HNF4G: variants seen among roughly 807,000 people sequenced by gnomAD.
HNF4G encodes the protein hepatocyte nuclear factor 4 gamma.
A neutral mutation model predicts 50.9 loss-of-function variants in HNF4G; 21 were observed. The ratio of observed to expected loss-of-function variants is 0.41; its 90% CI spans 0.29 to 0.59. The LOEUF is 0.59. HNF4G is among the 20% of genes least tolerant of loss of function. The pLI is 0.26. For missense variants in HNF4G, 527 were observed against 559.4 expected, an observed-to-expected ratio of 0.94 and a Z score of 0.58; for synonymous variants, 198 against 185.6, an observed-to-expected ratio of 1.07 and a Z score of -0.54.
chr8:75,493,830 G>T (rs1812690431), intron 2 of HNF4G, among the ~76,000 whole-genome samples: 1 of 151,910 alleles, frequency 6.6e-6, no homozygotes, highest in Non-Finnish European at 1.5e-5. Flanking sequence ...TGTTTTAATT[G>T]TTATTCTTTT....
chr8:75,499,711 T>C (rs1025920420), intron 2 of HNF4G, among the ~76,000 whole-genome samples: 10 of 151,934 alleles, frequency 6.6e-5, no homozygotes, highest in Admixed American at 6.6e-4. Context: ...AAATAGAATT[T>C]AGAGTCCAGT....
intron 1 of HNF4G, among the ~76,000 whole-genome samples, chr8:75,454,025 TTCTC>T (rs58676228): frequency 0.14 from 18,540 of 133,702 alleles, 1,625 homozygotes; most frequent in African/African-American, 0.26. Context: ...AAGAAGAAAT[TTCTC>T]TCTCTCTCTC....
At chr8:75,436,173 AT>A (rs2130533200) in intron 1 of HNF4G, among the ~76,000 whole-genome samples, 2 of 152,344 alleles carry the variant, frequency 1.3e-5, no homozygotes. Flanking sequence ...AAATTAAAAA[AT>A]ATATTGTAAA....
At chr8:75,416,012 C>T (rs1229014530) in intron 1 of HNF4G, among the ~76,000 whole-genome samples, 2 of 152,118 alleles carry the variant, frequency 1.3e-5, no homozygotes, top group African/African-American at 2.4e-5. Context: ...TTCAAAATCT[C>T]AGAAGATATT....
intron 2 of HNF4G, among the ~76,000 whole-genome samples, chr8:75,520,876 A>G (rs1249556446): frequency 6.6e-6 from 1 of 152,088 alleles, no homozygotes; most frequent in Admixed American, 6.6e-5. Context: ...AAGGTAGCTT[A>G]CTTTCACAAG....
intron 2 of HNF4G, among the ~76,000 whole-genome samples, chr8:75,495,762 T>G (rs2943601): frequency 0.28 from 41,912 of 151,744 alleles, 7,124 homozygotes; most frequent in African/African-American, 0.48. Context: ...GGTCTCGAAC[T>G]CCTGGCCTCA....
At chr8:75,459,567 T>C (rs1303688517) in intron 1 of HNF4G, among the ~76,000 whole-genome samples, 2 of 152,212 alleles carry the variant, frequency 1.3e-5, no homozygotes, top group African/African-American at 4.8e-5. Context: ...GCTTGTGTAG[T>C]AGTGTTTATA....
intron 1 of HNF4G, among the ~76,000 whole-genome samples, chr8:75,542,608 G>A (rs1277115522): frequency 6.6e-6 from 1 of 151,896 alleles, no homozygotes; most frequent in African/African-American, 2.4e-5. Context: ...CCAGATACTG[G>A]GATCAGAGAT....
At chr8:75,443,188 C>A (rs1811328910) in intron 1 of HNF4G, among the ~76,000 whole-genome samples, 1 of 152,126 alleles carries the variant, frequency 6.6e-6, no homozygotes, top group Admixed American at 6.5e-5. Flanking sequence ...TCACCAGACA[C>A]CAAATCTGCT....
intron 2 of HNF4G, among the ~76,000 whole-genome samples, chr8:75,512,223 T>C (rs892534872): frequency 4.0e-5 from 6 of 151,784 alleles, no homozygotes; most frequent in Non-Finnish European, 8.8e-5. Flanking sequence ...TGGTAAAATA[T>C]TTAAGAAAAG....
At chr8:75,451,700 A>G (rs1811588374) in intron 1 of HNF4G, among the ~76,000 whole-genome samples, 1 of 152,190 alleles carries the variant, frequency 6.6e-6, no homozygotes, top group African/African-American at 2.4e-5. Flanking sequence ...CCATTGGTCT[A>G]TGTGCTTATT....
At chr8:75,417,117 G>A (rs1381793054) in intron 1 of HNF4G, among the ~76,000 whole-genome samples, 2 of 59,884 alleles carry the variant, frequency 3.3e-5, no homozygotes, top group Admixed American at 1.2e-4. Flanking sequence ...TCGCACGCGT[G>A]TGCGCACACA....
At chr8:75,474,034 G>A (rs1034330535) in intron 1 of HNF4G, among the ~76,000 whole-genome samples, 5 of 152,116 alleles carry the variant, frequency 3.3e-5, no homozygotes, top group African/African-American at 1.2e-4. Context: ...AATCTTTGTG[G>A]TCAACTAGGG....
intron 2 of HNF4G, among the ~76,000 whole-genome samples, chr8:75,503,421 A>G (rs943515454): frequency 6.6e-6 from 1 of 152,196 alleles, no homozygotes; most frequent in African/African-American, 2.4e-5. Context: ...AGTAAGAGTG[A>G]TAGTTCAAGA....
chr8:75,414,314 A>G (rs778182697), intron 1 of HNF4G, among the ~76,000 whole-genome samples: 3 of 151,920 alleles, frequency 2.0e-5, no homozygotes, highest in Non-Finnish European at 4.4e-5. Flanking sequence ...TTTGAGATTC[A>G]TTCATCTTAC....
intron 1 of HNF4G, among the ~76,000 whole-genome samples, chr8:75,489,516 C>T (rs1389847080): frequency 6.6e-6 from 1 of 152,170 alleles, no homozygotes; most frequent in Non-Finnish European, 1.5e-5. Flanking sequence ...GAGTGTTTTC[C>T]TGTTATACTT....
intron 5 of HNF4G, among the ~76,000 whole-genome samples, chr8:75,554,202 G>T (rs1337843902): frequency 1.3e-5 from 2 of 152,210 alleles, no homozygotes; most frequent in East Asian, 3.9e-4. Flanking sequence ...AGAAGGTTAT[G>T]CCAGTGAATA....
intron 1 of HNF4G, among the ~76,000 whole-genome samples, chr8:75,453,514 C>T (rs1168999452): frequency 7.0e-6 from 1 of 142,228 alleles, no homozygotes; most frequent in East Asian, 2.4e-4. Flanking sequence ...GCCCCCCCGC[C>T]CCGTAGCCAG....
chr8:75,499,689 T>C (rs1442336794), intron 2 of HNF4G, among the ~76,000 whole-genome samples: 3 of 151,908 alleles, frequency 2.0e-5, no homozygotes, highest in African/African-American at 4.8e-5. Flanking sequence ...AGAATAGATA[T>C]ATAGATTAAT....
Sources: gnomAD v4.1 joint callset for allele counts (sites outside exome capture counted in the v4.1 genomes callset) on GRCh38, gnomAD v4.1.1 for gene constraint, MANE v1.5 for transcripts, NCBI Gene and HGNC (gene_info 2026-07-23, HGNC 2026-07-21) for gene names.